The following AFG2A variants were observed in gnomAD, a reference collection of about 807,000 sequenced individuals.
AFG2A encodes the protein ATPase family gene 2 protein homolog A.
At chr4:123,022,201 C>A in the AFG2A span, among the ~76,000 whole-genome samples, 1 of 151,748 alleles carries the variant, frequency 6.6e-6, no homozygotes, top group South Asian at 2.1e-4. Context: ...TCTAATTAAA[C>A]TAAAGAGCTT....
the AFG2A span, among the ~76,000 whole-genome samples, chr4:123,287,957 G>A: frequency 1.3e-5 from 2 of 152,134 alleles, no homozygotes; most frequent in South Asian, 2.1e-4. Flanking sequence ...CTCCGAACAC[G>A]AGTGTTCTTT....
chr4:123,179,962 G>A, the AFG2A span, among the ~76,000 whole-genome samples: 1 of 152,168 alleles, frequency 6.6e-6, no homozygotes, highest in Non-Finnish European at 1.5e-5. Flanking sequence ...ACTCCTGCCT[G>A]TAATCCCCGC....
the AFG2A span, among the ~76,000 whole-genome samples, chr4:123,235,512 G>T: frequency 6.6e-6 from 1 of 152,144 alleles, no homozygotes; most frequent in South Asian, 2.1e-4. Context: ...TATTGAAGAA[G>T]CAAATCAAAC....
the AFG2A span, chr4:123,314,599 A>T: frequency 6.6e-6 from 1 of 152,222 alleles, no homozygotes; most frequent in African/African-American, 2.4e-5. Context: ...TATCATTAAA[A>T]TTCATATATG....
chr4:123,020,340 A>T, the AFG2A span, among the ~76,000 whole-genome samples: 1 of 151,546 alleles, frequency 6.6e-6, no homozygotes, highest in Non-Finnish European at 1.5e-5. Context: ...AAAAATAACA[A>T]TTTTTGAAAA....
At chr4:123,261,958 A>C in the AFG2A span, among the ~76,000 whole-genome samples, 1 of 147,438 alleles carries the variant, frequency 6.8e-6, no homozygotes, top group South Asian at 2.1e-4. Context: ...TTTTTTAAAA[A>C]AATTTGTAGA....
chr4:123,190,200 A>G, the AFG2A span, among the ~76,000 whole-genome samples: 1 of 152,210 alleles, frequency 6.6e-6, no homozygotes, highest in Non-Finnish European at 1.5e-5. Flanking sequence ...ATCGGCTTAA[A>G]TATTTAAGAG....
chr4:123,232,005 A>C, the AFG2A span, among the ~76,000 whole-genome samples: 1 of 152,012 alleles, frequency 6.6e-6, no homozygotes, highest in African/African-American at 2.4e-5. Flanking sequence ...TAATAATGAA[A>C]AGTTTAAAAT....
the AFG2A span, chr4:122,934,809 A>G: frequency 6.8e-6 from 10 of 1,481,174 alleles, no homozygotes; most frequent in Middle Eastern, 2.4e-4. Context: ...CACTTATGTA[A>G]TGATTGCTCA....
chr4:123,268,775 CA>C, the AFG2A span, among the ~76,000 whole-genome samples: 1 of 151,850 alleles, frequency 6.6e-6, no homozygotes, highest in African/African-American at 2.4e-5. Context: ...TGTGTTCCAC[CA>C]AAAAAACAAG....
the AFG2A span, among the ~76,000 whole-genome samples, chr4:123,086,278 G>T: frequency 6.6e-6 from 1 of 151,956 alleles, no homozygotes; most frequent in Admixed American, 6.6e-5. Flanking sequence ...ATTTTTGAAG[G>T]ATGTTTTTGC....
At chr4:123,009,836 A>T in the AFG2A span, among the ~76,000 whole-genome samples, 1 of 152,156 alleles carries the variant, frequency 6.6e-6, no homozygotes. Flanking sequence ...TTAATTATCT[A>T]ATTTAAAAAT....
chr4:123,196,716 T>C, the AFG2A span, among the ~76,000 whole-genome samples: 1 of 152,136 alleles, frequency 6.6e-6, no homozygotes, highest in Admixed American at 6.5e-5. Flanking sequence ...CAGAAAACTT[T>C]TAAGGCTTCC....
the AFG2A span, among the ~76,000 whole-genome samples, chr4:123,121,025 G>T: frequency 6.6e-6 from 1 of 152,256 alleles, no homozygotes; most frequent in South Asian, 2.1e-4. Context: ...GAAATAAGAT[G>T]TAGAGGTGGA....
the AFG2A span, among the ~76,000 whole-genome samples, chr4:123,027,973 T>TC: frequency 1.3e-5 from 2 of 151,632 alleles, no homozygotes; most frequent in East Asian, 3.9e-4. Flanking sequence ...GCAGAATTTT[T>TC]TTTTTTTTAG....
the AFG2A span, among the ~76,000 whole-genome samples, chr4:123,031,675 G>T: frequency 1.3e-5 from 2 of 152,198 alleles, no homozygotes; most frequent in Non-Finnish European, 2.9e-5. Flanking sequence ...ATTTTAAACA[G>T]ATTGAAAGGA....
At chr4:123,238,919 G>A in the AFG2A span, among the ~76,000 whole-genome samples, 7 of 152,190 alleles carry the variant, frequency 4.6e-5, no homozygotes, top group East Asian at 9.7e-4. Context: ...AACCCATTGC[G>A]AGGAAGCTAA....
the AFG2A span, among the ~76,000 whole-genome samples, chr4:123,160,124 T>A: frequency 2.6e-5 from 4 of 152,086 alleles, no homozygotes; most frequent in African/African-American, 9.7e-5. Context: ...GTGCTACTTC[T>A]CTGAGAAAAA....
the AFG2A span, among the ~76,000 whole-genome samples, chr4:123,230,774 C>A: frequency 3.3e-5 from 5 of 152,040 alleles, no homozygotes; most frequent in East Asian, 9.7e-4. Flanking sequence ...CTAAATTATT[C>A]TTTAATTCAT....
Sources: allele counts gnomAD v4.1 joint callset (sites outside exome capture counted in the v4.1 genomes callset), GRCh38; gene constraint gnomAD v4.1.1; transcripts MANE v1.5; gene names NCBI Gene and HGNC (gene_info 2026-07-23, HGNC 2026-07-21).